The following CLK4 variants were observed in gnomAD, a reference collection of about 807,000 sequenced individuals.
CLK4 encodes the protein CDC like kinase 4.
A neutral mutation model predicts 64.4 loss-of-function variants in CLK4; 37 were observed. That is an observed-to-expected ratio of 0.57 (90% CI 0.44 to 0.76). The LOEUF (loss-of-function observed/expected upper bound fraction) is 0.76. Among genes scored for constraint, CLK4 ranks in the 30% least tolerant of loss-of-function variants. The pLI is 0.00. For missense variants in CLK4, 457 were observed against 605.1 expected, an observed-to-expected ratio of 0.76 and a Z score of 2.57; for synonymous variants, 175 against 191.6, an observed-to-expected ratio of 0.91 and a Z score of 0.72.
chr5:178,605,319 T>A lies in CLK4; in HGVS notation c.1198A>T (p.Met400Leu), dbSNP rs891502987. Residue 400 changes from methionine to leucine, a missense_variant, in exon 11 of 13, where the codon ATG (methionine) becomes TTG (leucine). Coordinates refer to ENST00000316308, the MANE Select transcript of CLK4 (RefSeq NM_020666.3). Reference sequence around the variant, plus strand: ...AAAACATACCTTGTTTTCTGAATCATGTGTTGTGGTATGGGTCCTAATATT... The same window carrying A: ...AAAACATACCTTGTTTTCTGAATCAAGTGTTGTGGTATGGGTCCTAATATT... ...ERILGPIPQH[M>L]IQKTRKRKYF... is the part of the protein sequence containing the mutation. 2 of 1,584,358 alleles carry A rather than the reference T, an allele frequency of 1.3e-6. No homozygotes were observed. Among genetic ancestry groups the A allele is most frequent in the Non-Finnish European group, 8.6e-7 (1 of 1,168,316 alleles).
intron 2 of CLK4, chr5:178,620,085 A>G (rs1764688757): frequency 3.1e-6 from 1 of 323,540 alleles, no homozygotes; most frequent in Non-Finnish European, 6.4e-6. Context: ...ACTACTACCC[A>G]ATAGGGCTAG....
At chr5:178,608,047 G>A (rs1239274133) in intron 10 of CLK4, among the ~76,000 whole-genome samples, 1 of 152,134 alleles carries the variant, frequency 6.6e-6, no homozygotes, top group African/African-American at 2.4e-5. Context: ...TGGCCATATT[G>A]ATAGTCAACA....
At chr5:178,614,351 AG>A (rs1160425708) in intron 5 of CLK4, among the ~76,000 whole-genome samples, 1 of 152,220 alleles carries the variant, frequency 6.6e-6, no homozygotes, top group Non-Finnish European at 1.5e-5. Flanking sequence ...GGAGTTTGTC[AG>A]ATTGGGAAGG....
At chr5:178,609,204 T>G (rs1764517091) in intron 9 of CLK4, among the ~76,000 whole-genome samples, 1 of 152,220 alleles carries the variant, frequency 6.6e-6, no homozygotes, top group African/African-American at 2.4e-5. Context: ...ATTTTAATAT[T>G]TCAAAGATCA....
In CLK4 at chr5:178,617,270, C is replaced by A; in HGVS notation, c.475+74G>T. 8.4e-7 allele frequency: 1 copy of A among 1,187,498 alleles called. No homozygotes were observed. The highest frequency in any genetic ancestry group is 1.3e-6 in the Non-Finnish European group (1 of 797,204). 73.6% of individuals were successfully genotyped at this position (1,187,498 alleles called of 1,614,324 possible). On this transcript the variant is annotated intron_variant, in intron 4 of 12. Coordinates refer to ENST00000316308, the MANE Select transcript of CLK4 (RefSeq NM_020666.3). The surrounding 1 kb of genome is among the most constrained non-coding windows in gnomAD (Gnocchi z 5.2). ...AAAAGCAATGAAGAGTTCTTTAGCC[C>A]CCCGCTGACAAACTATTCTTAAAAA... is the stretch of plus-strand genomic sequence containing the variant.
intron 9 of CLK4, among the ~76,000 whole-genome samples, chr5:178,609,609 G>C (rs1764525773): frequency 6.6e-6 from 1 of 152,024 alleles, no homozygotes; most frequent in Admixed American, 6.6e-5. Context: ...CTTGAAACCG[G>C]AAGGCAGAGG....
At chr5:178,621,266 T>A (rs1336527718) in intron 2 of CLK4, among the ~76,000 whole-genome samples, 1 of 152,196 alleles carries the variant, frequency 6.6e-6, no homozygotes, top group Middle Eastern at 3.2e-3. Flanking sequence ...GTGATTCTTA[T>A]TCACACTAAA....
chr5:178,613,943 C>T, intron 5 of CLK4, 100 bp from the exon 6 acceptor site: 1 of 759,048 alleles, frequency 1.3e-6, no homozygotes, highest in Middle Eastern at 2.4e-4. Flanking sequence ...TCCTCTATGC[C>T]ATTTAAAATA....
chr5:178,603,855 T>G lies in CLK4; in HGVS notation c.1294A>C (p.Lys432Gln), dbSNP rs1363725236. ...SAGRYVRRRC[K>Q]PLKEFMLCHD... ...CTTTTTTCTTTTACCTTCAACGGTT[T>G]GCAGCGTCTCCTAACATATCTACCA... Residue 432 changes from lysine (K) to glutamine (Q), a missense_variant, in exon 12 of 13, where the codon AAA becomes CAA. Transcript: ENST00000316308. 6.2e-7 allele frequency: 1 copy of G among 1,609,650 alleles called. No individual in the cohort carries two copies. The highest frequency in any genetic ancestry group is 1.3e-5 in the African/African-American group (1 of 74,636).
In CLK4 at chr5:178,623,294, C is replaced by A. The variant is rs1562131342; in HGVS notation, c.123G>T (p.Arg41Ser). 2 of 1,613,884 alleles carry A rather than the reference C, an allele frequency of 1.2e-6. No individual in the cohort carries two copies. The highest frequency in any genetic ancestry group is 1.7e-6 in the Non-Finnish European group (2 of 1,179,904). Residue 41 changes from arginine to serine, a missense_variant, in exon 2 of 13, where the codon AGG (arginine) becomes AGT (serine). Transcript: ENST00000316308. ...RRSHSSTQEN[R>S]HCKPHHQFKE... ...TAAACTGGTGATGTGGTTTACAATG[C>A]CTGTTCTCTTGTGTGCTACTATGAG...
rs1182572394 is a variant in CLK4 at position 178,603,066 on chromosome 5, T to G, written c.*551A>C. 6.6e-6 allele frequency: 1 copy of G among 152,544 alleles called. No individual in the cohort carries two copies. Among genetic ancestry groups the G allele is most frequent in the Non-Finnish European group, 1.5e-5 (1 of 68,032 alleles). The allele number at this position is 152,544 out of a possible 1,614,324, so 9.4% of individuals were successfully genotyped here. On this transcript the variant is annotated 3_prime_UTR_variant, in exon 13 of 13. Transcript: ENST00000316308. ...TGCATGCCTTTCCATGAATGTCTGGTTATCACCCTGACATCACCCAATGAA... is the reference window on the plus strand; with the variant it reads ...TGCATGCCTTTCCATGAATGTCTGGGTATCACCCTGACATCACCCAATGAA...
At chr5:178,613,438 AT>A in intron 7 of CLK4, 34 bp downstream of exon 7, 1 of 1,291,904 alleles carries the variant, frequency 7.7e-7, no homozygotes, top group South Asian at 2.2e-5. Flanking sequence ...AAATAAATAA[AT>A]AAATAAAAAT....
intron 2 of CLK4, 107 bp downstream of exon 2, chr5:178,623,149 G>A: frequency 9.2e-7 from 1 of 1,092,582 alleles, no homozygotes; most frequent in South Asian, 1.4e-5. Context: ...ACGAATATTT[G>A]TTGACTGAAT....
intron 7 of CLK4, 86 bp from the exon 8 acceptor site, chr5:178,612,976 G>T: frequency 1.6e-6 from 1 of 632,078 alleles, no homozygotes; most frequent in Non-Finnish European, 2.8e-6. Context: ...AAAGGATATA[G>T]TGGTCAAGAG....
intron 10 of CLK4, among the ~76,000 whole-genome samples, chr5:178,607,475 C>A (rs1764483177): frequency 6.7e-6 from 1 of 148,846 alleles, no homozygotes; most frequent in South Asian, 2.2e-4. Context: ...TAATTATTAA[C>A]CTTTCCTGGG....
intron 3 of CLK4, chr5:178,618,060 T>G (rs2113810741): frequency 6.6e-6 from 1 of 152,426 alleles, no homozygotes; most frequent in Admixed American, 6.5e-5. Context: ...ATGTTTCCCA[T>G]TCAGCACCCA....
chr5:178,624,718 A>G lies in CLK4; in HGVS notation c.1-1302T>C, dbSNP rs142386509. On this transcript the variant is annotated intron_variant, in intron 1 of 12. Coordinates refer to ENST00000316308, the MANE Select transcript of CLK4 (RefSeq NM_020666.3). ...TCAGCAAGGAGCTGAAAAAAGCTAA[A>G]ATGGAGTAAAACCCACTCAGTTAAC... Among the ~76,000 whole-genome samples the G allele has an allele frequency of 2.4e-4, 37 of 152,306 alleles. No individual in the cohort carries two copies. In the East Asian group the frequency reaches 6.7e-3, roughly 28 times the overall value.
chr5:178,619,732 G>T, intron 2 of CLK4: 1 of 1,234,226 alleles, frequency 8.1e-7, no homozygotes, highest in African/African-American at 1.5e-5. Flanking sequence ...GAATTTCAAA[G>T]GTCATGGGCC....
At chr5:178,612,581 T>C (rs764052144) in intron 8 of CLK4, 36 bp from the exon 9 acceptor site, 25 of 1,604,372 alleles carry the variant, frequency 1.6e-5, no homozygotes, top group East Asian at 2.2e-5. Context: ...TGAAACTCAA[T>C]AGATACATTT....
Sources: gnomAD v4.1 joint callset for allele counts (sites outside exome capture counted in the v4.1 genomes callset) on GRCh38, gnomAD v4.1.1 for gene constraint, Gnocchi (gnomAD v3.1) non-coding constraint, MANE v1.5 for transcripts, NCBI Gene and HGNC (gene_info 2026-07-23, HGNC 2026-07-21) for gene names.